The following USP34 variants were observed in gnomAD, a reference collection of about 807,000 sequenced individuals.
The protein encoded by USP34 is ubiquitin carboxyl-terminal hydrolase 34.
A neutral mutation model predicts 460.3 loss-of-function variants in USP34; 70 were observed. The ratio of observed to expected loss-of-function variants is 0.15; its 90% CI spans 0.13 to 0.19. USP34 has a LOEUF of 0.19. USP34 is among the 10% of genes least tolerant of loss of function. The pLI, the probability that USP34 is intolerant of heterozygous loss-of-function variation, is 1.00. For synonymous variants in USP34, 1,647 were observed against 1,405.3 expected, an observed-to-expected ratio of 1.17 and a Z score of -3.85; for missense variants, 3,985 against 4,236.2, an observed-to-expected ratio of 0.94 and a Z score of 1.65.
chr2:61,454,979 T>G (rs1695394792), intron 1 of USP34, among the ~76,000 whole-genome samples: 1 of 150,512 alleles, frequency 6.6e-6, no homozygotes, highest in Admixed American at 6.7e-5. Context: ...CCTCCCAAGT[T>G]GAAGCGATTC....
At chr2:61,317,938 G>A (rs1690800719) in intron 22 of USP34, among the ~76,000 whole-genome samples, 171 bp from the exon 23 acceptor site, 1 of 151,908 alleles carries the variant, frequency 6.6e-6, no homozygotes, top group Admixed American at 6.6e-5. Context: ...GGGCACGGTG[G>A]CTCAGTACTT....
chr2:61,365,294 T>TACACACAC (rs1255160949), intron 10 of USP34, among the ~76,000 whole-genome samples: 21 of 109,754 alleles, frequency 1.9e-4, no homozygotes, highest in African/African-American at 5.4e-4. Flanking sequence ...CACACACACG[T>TACACACAC]GTGTTTATTT....
At chr2:61,339,528 G>T (rs1691522475) in intron 17 of USP34, 38 bp downstream of exon 17, 1 of 1,561,072 alleles carries the variant, frequency 6.4e-7, no homozygotes, top group Non-Finnish European at 8.6e-7. Context: ...GCATCTTGCT[G>T]AAATTTCTTA....
In USP34 at chr2:61,248,701, A is replaced by G. The variant is rs149989395; in HGVS notation, c.6222-18T>C. The stretch of plus-strand genomic sequence containing the variant: ...AACATGCCCTGAGAGACAAGAAAAA[A>G]ATTAATAAAGATTATTTTTTACAAA... On this transcript the variant is annotated intron_variant, in intron 48 of 79. Coordinates refer to ENST00000398571, the MANE Select transcript of USP34 (RefSeq NM_014709.4). 4 of 1,534,068 alleles carry G rather than the reference A, an allele frequency of 2.6e-6. No homozygotes were observed. The East Asian group carries it at 9.2e-5, about 35-fold the overall frequency.
intron 12 of USP34, among the ~76,000 whole-genome samples, chr2:61,349,844 AAAC>A (rs143680445): frequency 0.015 from 2,285 of 148,922 alleles, 21 homozygotes; most frequent in Non-Finnish European, 0.02. Flanking sequence ...CCGTCTCAAA[AAAC>A]AACAACAACA....
At position 61,284,945 on chromosome 2, in the gene USP34, G is replaced by C. The variant is rs369589267; in HGVS notation, c.4762C>G (p.Leu1588Val). The change falls in exon 35 of 80, where the codon CTT becomes GTT. Residue 1588 changes from leucine to valine, a missense_variant. Physicochemically the swap from Leu to Val is conservative, Grantham distance 32 (BLOSUM62 1). Transcript: ENST00000398571. ...TGAATCAAACTGGTTCCTTGGACAAGAACAAGAAATACCTTTAAAACAAAA... is the reference window on the plus strand; with the variant it reads ...TGAATCAAACTGGTTCCTTGGACAACAACAAGAAATACCTTTAAAACAAAA... ...IPRLTEVFLV[L>V]VQGTSLIQRL... 5 of 1,609,254 alleles carry C rather than the reference G, an allele frequency of 3.1e-6. No individual in the cohort carries two copies. The highest frequency in any genetic ancestry group is 1.3e-5 in the African/African-American group (1 of 74,722).
At position 61,317,670 on chromosome 2, in the gene USP34, CCAT is replaced by C. The variant is rs1244159644; in HGVS notation, c.3263_3265del (p.Asp1088del). The C allele has an allele frequency of 1.2e-6, 2 of 1,613,826 alleles. No homozygotes were observed. The highest frequency in any genetic ancestry group is 3.3e-5 in the Admixed American group (2 of 59,996). On this transcript the variant is annotated inframe_deletion, in exon 23 of 80. Coordinates refer to ENST00000398571, the MANE Select transcript of USP34 (RefSeq NM_014709.4). ...AATCCATACCTCAGAATTTGAACAA[CCAT>C]CATAGGCACTGGTAGCCAATCGAGC... is the stretch of plus-strand genomic sequence containing the variant.
Position 61,208,926 on chromosome 2 carries a change from A to G in USP34, c.8892T>C (p.Phe2964=), listed in dbSNP as rs966069428. ...ESDEDRLLVV[F]NRGLILMTES... The stretch of plus-strand genomic sequence containing the variant: ...CTGTCATTAGAATCAATCCTCGATT[A>G]AATACAACAAGAAGTCTGTCTTCAT... The change falls in exon 70 of 80, where the codon TTT becomes TTC. Residue 2964 remains phenylalanine, a synonymous_variant. Coordinates refer to ENST00000398571, the MANE Select transcript of USP34 (RefSeq NM_014709.4). The G allele has an allele frequency of 1.3e-6, 2 of 1,596,282 alleles. No individual in the cohort carries two copies. The highest frequency in any genetic ancestry group is 1.7e-6 in the Non-Finnish European group (2 of 1,171,562).
chr2:61,436,074 A>C (rs1191597248), intron 1 of USP34, among the ~76,000 whole-genome samples: 1 of 152,116 alleles, frequency 6.6e-6, no homozygotes, highest in East Asian at 1.9e-4. Context: ...ACAACAACAA[A>C]AAAATTCAAC....
At position 61,206,941 on chromosome 2, in the gene USP34, AC is replaced by A. The variant is rs1411215201; in HGVS notation, c.8920-56del. On this transcript the variant is annotated intron_variant, in intron 70 of 79. Coordinates refer to ENST00000398571, the MANE Select transcript of USP34 (RefSeq NM_014709.4). ...TAATTTCATTTTTGCTTACTGAGCCACAAAATGGTAGTACTCGTCCTCTACG... is the reference window on the plus strand; with the variant it reads ...TAATTTCATTTTTGCTTACTGAGCCAAAAATGGTAGTACTCGTCCTCTACG... 2.5e-6 allele frequency: 4 copies of A among 1,573,510 alleles called. No homozygotes were observed. In the African/African-American group the frequency reaches 5.4e-5, roughly 21 times the overall value.
chr2:61,437,852 G>C (rs1694861163), intron 1 of USP34, among the ~76,000 whole-genome samples: 1 of 150,512 alleles, frequency 6.6e-6, no homozygotes, highest in Non-Finnish European at 1.5e-5. Context: ...TAATGAGATT[G>C]AATCAGTAAC....
chr2:61,239,686 C>T (rs1411262038), intron 53 of USP34, among the ~76,000 whole-genome samples: 2 of 152,084 alleles, frequency 1.3e-5, no homozygotes, highest in Admixed American at 1.3e-4. Flanking sequence ...GACAACATTC[C>T]TGGCTTTTTA....
At chr2:61,353,757 C>G (rs959316361) in intron 10 of USP34, among the ~76,000 whole-genome samples, 2 of 151,928 alleles carry the variant, frequency 1.3e-5, no homozygotes, top group Non-Finnish European at 2.9e-5. Flanking sequence ...AAAACTTTAT[C>G]TCAAAGATAG....
At chr2:61,393,481 TA>T (rs1048266404) in intron 5 of USP34, among the ~76,000 whole-genome samples, 2 of 151,064 alleles carry the variant, frequency 1.3e-5, no homozygotes, top group African/African-American at 4.9e-5. Flanking sequence ...ACACTACTAC[TA>T]TATGTAATAA....
chr2:61,210,989 T>C (rs1687258777), intron 69 of USP34, among the ~76,000 whole-genome samples: 1 of 152,216 alleles, frequency 6.6e-6, no homozygotes, highest in Non-Finnish European at 1.5e-5. Flanking sequence ...AAAACAATTG[T>C]ATTCAAAATT....
At chr2:61,296,749 A>G (rs1487823397) in intron 30 of USP34, 51 bp downstream of exon 30, 1 of 1,572,310 alleles carries the variant, frequency 6.4e-7, no homozygotes, top group Middle Eastern at 1.7e-4. Context: ...GTCAATAGGA[A>G]TGTAAACTGG....
At chr2:61,450,886 CA>C (rs71405120) in intron 1 of USP34, among the ~76,000 whole-genome samples, 200 of 127,294 alleles carry the variant, frequency 1.6e-3, no homozygotes, top group Admixed American at 2.7e-3. Flanking sequence ...GGAGGAGATG[CA>C]AAAAAAAAAA....
chr2:61,278,802 A>C (rs1323255632), intron 39 of USP34, among the ~76,000 whole-genome samples: 2 of 152,096 alleles, frequency 1.3e-5, no homozygotes, highest in Non-Finnish European at 2.9e-5. Flanking sequence ...AAGTCATAGT[A>C]ATCTATTAAG....
chr2:61,243,378 C>T (rs1688327722), intron 51 of USP34, among the ~76,000 whole-genome samples: 1 of 151,894 alleles, frequency 6.6e-6, no homozygotes, highest in African/African-American at 2.4e-5. Context: ...AACTCCTGAC[C>T]TCAGGTGATC....
Sources: allele counts gnomAD v4.1 joint callset (sites outside exome capture counted in the v4.1 genomes callset), GRCh38; gene constraint gnomAD v4.1.1; transcripts MANE v1.5; gene names NCBI Gene and HGNC (gene_info 2026-07-23, HGNC 2026-07-21).